TBC1D12: variants seen among roughly 807,000 people sequenced by gnomAD.
TBC1D12 encodes the protein TBC1 domain family, member 12.
In TBC1D12, 56 loss-of-function variants were observed where a neutral mutation model predicts 86.7. That is an observed-to-expected ratio of 0.65 (90% CI 0.52 to 0.81). The LOEUF (loss-of-function observed/expected upper bound fraction) is 0.81, where lower values mean the gene tolerates loss of function less well. TBC1D12 is among the 30% of genes least tolerant of loss of function. TBC1D12 has a pLI of 0.00. For missense variants in TBC1D12, 1,023 were observed against 1,038.8 expected, an observed-to-expected ratio of 0.98 and a Z score of 0.21; for synonymous variants, 421 against 411.7, an observed-to-expected ratio of 1.02 and a Z score of -0.27.
intron 2 of TBC1D12, among the ~76,000 whole-genome samples, chr10:94,473,859 ATTAAT>A (rs1405197405): frequency 6.7e-6 from 1 of 149,890 alleles, no homozygotes; most frequent in African/African-American, 2.5e-5. Flanking sequence ...CATATATTAA[ATTAAT>A]TTATTTTAAT....
chr10:94,507,970 G>A (rs1027953960), intron 7 of TBC1D12, among the ~76,000 whole-genome samples: 1 of 152,130 alleles, frequency 6.6e-6, no homozygotes, highest in Non-Finnish European at 1.5e-5. Context: ...CTGGGTAACA[G>A]ACTTCATCTC....
At chr10:94,453,830 T>A (rs539520598) in intron 2 of TBC1D12, among the ~76,000 whole-genome samples, 1 of 152,314 alleles carries the variant, frequency 6.6e-6, no homozygotes, top group African/African-American at 2.4e-5. Context: ...TTTTTTTTCA[T>A]GTCGATGTCC....
intron 12 of TBC1D12, among the ~76,000 whole-genome samples, chr10:94,532,744 T>C (rs1253585197): frequency 1.3e-5 from 2 of 152,192 alleles, no homozygotes; most frequent in African/African-American, 4.8e-5. Context: ...ACTCAATCCA[T>C]GAATGATATA....
At chr10:94,518,134 A>G (rs962288484) in intron 9 of TBC1D12, among the ~76,000 whole-genome samples, 1 of 151,946 alleles carries the variant, frequency 6.6e-6, no homozygotes, top group African/African-American at 2.4e-5. Flanking sequence ...AGCCTGCGTG[A>G]TGGAGCTCTG....
Position 94,480,723 on chromosome 10 carries a change from T to G in TBC1D12, c.1211+5940T>G, listed in dbSNP as rs191575075. Among the ~76,000 whole-genome samples the G allele has an allele frequency of 4.0e-5, 6 of 150,350 alleles. No individual in the cohort carries two copies. In the East Asian group the frequency reaches 1.2e-3, roughly 29 times the overall value. ...ATATATATATGTTTATATATATATA[T>G]AAAATTAGCCAGGTGTGGTGGCACA... On this transcript the variant is annotated intron_variant, in intron 3 of 12. Transcript: ENST00000225235.
At chr10:94,503,082 C>A (rs1424400273) in intron 6 of TBC1D12, among the ~76,000 whole-genome samples, 1 of 152,174 alleles carries the variant, frequency 6.6e-6, no homozygotes, top group Non-Finnish European at 1.5e-5. Flanking sequence ...ACACTATAAT[C>A]TATCTTGAAC....
chr10:94,450,116 A>G (rs2055527055), intron 2 of TBC1D12, among the ~76,000 whole-genome samples: 4 of 152,154 alleles, frequency 2.6e-5, no homozygotes, highest in South Asian at 2.1e-4. Context: ...TGAATTCTTT[A>G]TTCAAAAAAT....
intron 6 of TBC1D12, among the ~76,000 whole-genome samples, chr10:94,501,096 G>GAATGAATGAATGAATA (rs528540415): frequency 6.7e-6 from 1 of 148,850 alleles, no homozygotes; most frequent in Non-Finnish European, 1.5e-5. Flanking sequence ...ATGAATGAAT[G>GAATGAATGAATGAATA]AATAAATAAA....
chr10:94,447,022 G>A (rs2055473168), intron 2 of TBC1D12, among the ~76,000 whole-genome samples: 1 of 143,844 alleles, frequency 7.0e-6, no homozygotes, highest in African/African-American at 2.6e-5. Flanking sequence ...GCAGTGAGCC[G>A]AGGTCGTGCC....
At chr10:94,428,413 G>A (rs531869481) in intron 1 of TBC1D12, among the ~76,000 whole-genome samples, 4 of 149,922 alleles carry the variant, frequency 2.7e-5, no homozygotes, top group East Asian at 2.0e-4. Context: ...TCAACCTCTC[G>A]AGTAACTGGG....
chr10:94,425,466 T>G (rs2055133162), intron 1 of TBC1D12, among the ~76,000 whole-genome samples: 1 of 152,228 alleles, frequency 6.6e-6, no homozygotes, highest in Non-Finnish European at 1.5e-5. Flanking sequence ...ACATGTATCA[T>G]GTTCAATTAA....
At chr10:94,410,132 G>C (rs1383517435) in intron 1 of TBC1D12, among the ~76,000 whole-genome samples, 1 of 152,164 alleles carries the variant, frequency 6.6e-6, no homozygotes, top group Non-Finnish European at 1.5e-5. Context: ...TCCATGGAAA[G>C]CCAATGATGC....
At chr10:94,483,066 G>T (rs1314961721) in intron 3 of TBC1D12, among the ~76,000 whole-genome samples, 1 of 126,934 alleles carries the variant, frequency 7.9e-6, no homozygotes, top group Non-Finnish European at 1.6e-5. Context: ...TTGAGTCAGA[G>T]TCTCACTGTG....
chr10:94,474,520 A>C (rs1030632845), intron 2 of TBC1D12, 148 bp from the exon 3 acceptor site: 3 of 617,358 alleles, frequency 4.9e-6, no homozygotes, highest in Non-Finnish European at 7.9e-6. Context: ...AAAAACTTTT[A>C]TTTTTTGTCT....
At chr10:94,431,806 A>G (rs1234331143) in intron 1 of TBC1D12, among the ~76,000 whole-genome samples, 2 of 152,200 alleles carry the variant, frequency 1.3e-5, no homozygotes, top group Non-Finnish European at 1.5e-5. Flanking sequence ...AGAACAGACT[A>G]TCTTCAGCAG....
At chr10:94,517,997 A>G (rs1296206175) in intron 9 of TBC1D12, among the ~76,000 whole-genome samples, 1 of 152,078 alleles carries the variant, frequency 6.6e-6, no homozygotes, top group Non-Finnish European at 1.5e-5. Context: ...TACTAAAAAT[A>G]CAAAAATTAG....
At chr10:94,515,600 C>T (rs1337771057) in intron 9 of TBC1D12, among the ~76,000 whole-genome samples, 1 of 152,032 alleles carries the variant, frequency 6.6e-6, no homozygotes, top group Non-Finnish European at 1.5e-5. Flanking sequence ...CCACCCGCCT[C>T]GGCCTCCCAA....
chr10:94,476,097 A>T (rs2055983971), intron 3 of TBC1D12, among the ~76,000 whole-genome samples: 1 of 151,900 alleles, frequency 6.6e-6, no homozygotes, highest in Non-Finnish European at 1.5e-5. Flanking sequence ...ACACCACCGC[A>T]CCTGGCTAAA....
At chr10:94,446,139 GTC>G (rs1320910994) in intron 2 of TBC1D12, among the ~76,000 whole-genome samples, 1 of 152,028 alleles carries the variant, frequency 6.6e-6, no homozygotes, top group African/African-American at 2.4e-5. Flanking sequence ...ACAATTTTAT[GTC>G]TCTGTTTTAA....
Sources: gnomAD v4.1 joint callset for allele counts (sites outside exome capture counted in the v4.1 genomes callset) on GRCh38, gnomAD v4.1.1 for gene constraint, MANE v1.5 for transcripts, NCBI Gene and HGNC (gene_info 2026-07-23, HGNC 2026-07-21) for gene names.